Variants in HYCC2 observed in about 807,000 individuals in gnomAD.
HYCC2 encodes the protein hyccin PI4KA lipid kinase complex subunit 2, also known as hyccin 2.
chr2:201,064,619 T>C, the HYCC2 span, among the ~76,000 whole-genome samples: 4 of 152,194 alleles, frequency 2.6e-5, no homozygotes, highest in African/African-American at 7.2e-5. Context: ...CATGGAATTA[T>C]TGGTTATAAA....
the HYCC2 span, among the ~76,000 whole-genome samples, chr2:201,032,801 C>T: frequency 2.6e-5 from 4 of 152,266 alleles, no homozygotes; most frequent in South Asian, 2.1e-4. Flanking sequence ...AGATTATACA[C>T]GTGTGCCACT....
chr2:201,050,759 A>AC, the HYCC2 span, among the ~76,000 whole-genome samples: 7,169 of 152,020 alleles, frequency 0.047, 542 homozygotes, highest in African/African-American at 0.16. Flanking sequence ...ACATGGTGAA[A>AC]CCCCGTCTCT....
the HYCC2 span, among the ~76,000 whole-genome samples, chr2:201,038,685 T>C: frequency 2.6e-5 from 4 of 151,924 alleles, no homozygotes; most frequent in Admixed American, 6.6e-5. Flanking sequence ...TAGGTGGGAA[T>C]TGGAACAATG....
the HYCC2 span, among the ~76,000 whole-genome samples, chr2:201,015,178 G>A: frequency 1.6e-3 from 241 of 152,242 alleles, 2 homozygotes; most frequent in African/African-American, 4.6e-3. Flanking sequence ...CTTGCACTGC[G>A]CAAGAAAAGG....
At chr2:200,993,797 C>T in the HYCC2 span, among the ~76,000 whole-genome samples, 651 of 151,146 alleles carry the variant, frequency 4.3e-3, 4 homozygotes, top group Admixed American at 8.3e-3. Flanking sequence ...CTGGCTAACA[C>T]GGTGAAACCC....
the HYCC2 span, among the ~76,000 whole-genome samples, chr2:201,026,907 A>G: frequency 3.3e-5 from 5 of 152,246 alleles, no homozygotes; most frequent in Non-Finnish European, 5.9e-5. Context: ...TAAAAGAATT[A>G]GAGAAGCAAG....
the HYCC2 span, among the ~76,000 whole-genome samples, chr2:200,990,692 C>T: frequency 6.6e-6 from 1 of 152,202 alleles, no homozygotes; most frequent in Non-Finnish European, 1.5e-5. Context: ...TTGCCTCAGC[C>T]TCCCAAGTAG....
chr2:200,982,938 A>C, the HYCC2 span, among the ~76,000 whole-genome samples: 1 of 152,020 alleles, frequency 6.6e-6, no homozygotes, highest in African/African-American at 2.4e-5. Context: ...TTGTATTTTT[A>C]GTAGAGATGG....
At chr2:201,052,434 G>A in the HYCC2 span, among the ~76,000 whole-genome samples, 3 of 152,042 alleles carry the variant, frequency 2.0e-5, no homozygotes, top group African/African-American at 7.2e-5. Flanking sequence ...GTGAGACCTC[G>A]TCTCTGCAAA....
At chr2:201,007,582 A>T in the HYCC2 span, among the ~76,000 whole-genome samples, 1 of 152,226 alleles carries the variant, frequency 6.6e-6, no homozygotes, top group Non-Finnish European at 1.5e-5. Context: ...CCTTGCCCAA[A>T]GAGACATCTG....
chr2:201,022,039 G>A, the HYCC2 span: 1 of 1,282,470 alleles, frequency 7.8e-7, no homozygotes, highest in Non-Finnish European at 1.0e-6. Context: ...AAGTTAAGCT[G>A]CTGGTTAGGA....
the HYCC2 span, among the ~76,000 whole-genome samples, chr2:200,998,602 T>C: frequency 6.6e-6 from 1 of 152,236 alleles, no homozygotes; most frequent in African/African-American, 2.4e-5. Context: ...AATTGTTTAA[T>C]AAATACTTGT....
the HYCC2 span, chr2:200,977,795 T>A: frequency 6.6e-6 from 1 of 152,254 alleles, no homozygotes; most frequent in Non-Finnish European, 1.5e-5. Context: ...GAGGCTGCAG[T>A]GAGCCGTGAT....
the HYCC2 span, chr2:200,993,007 G>A: frequency 6.4e-7 from 1 of 1,566,510 alleles, no homozygotes; most frequent in Admixed American, 1.7e-5. Context: ...ACAAACCCTA[G>A]GAAAATACAC....
At chr2:201,044,606 C>T in the HYCC2 span, among the ~76,000 whole-genome samples, 3 of 152,084 alleles carry the variant, frequency 2.0e-5, no homozygotes, top group Non-Finnish European at 2.9e-5. Flanking sequence ...TAATGCATGT[C>T]GCTATGACAA....
At chr2:201,035,599 A>C in the HYCC2 span, among the ~76,000 whole-genome samples, 3 of 151,976 alleles carry the variant, frequency 2.0e-5, no homozygotes, top group Non-Finnish European at 4.4e-5. Flanking sequence ...TCTTCTCTCA[A>C]CTCATCAAAG....
the HYCC2 span, among the ~76,000 whole-genome samples, chr2:201,005,652 C>T: frequency 6.6e-6 from 1 of 152,046 alleles, no homozygotes; most frequent in Non-Finnish European, 1.5e-5. Context: ...TATAAATATA[C>T]CCTACATCCT....
the HYCC2 span, chr2:201,009,094 A>G: frequency 6.5e-7 from 1 of 1,531,162 alleles, no homozygotes; most frequent in Non-Finnish European, 9.1e-7. Context: ...GAAGGCTACA[A>G]AAATAAGGTA....
the HYCC2 span, among the ~76,000 whole-genome samples, chr2:201,054,767 C>G: frequency 6.6e-6 from 1 of 152,048 alleles, no homozygotes; most frequent in South Asian, 2.1e-4. Context: ...GATATATAAC[C>G]TATTTAGGTA....
Sources: gnomAD v4.1 joint callset for allele counts (sites outside exome capture counted in the v4.1 genomes callset) on GRCh38, gnomAD v4.1.1 for gene constraint, MANE v1.5 for transcripts, NCBI Gene and HGNC (gene_info 2026-07-23, HGNC 2026-07-21) for gene names.